Variants in TRAF5 observed in about 807,000 individuals in gnomAD.
TRAF5 encodes TNF receptor associated factor 5.
TRAF5 carries 48 observed loss-of-function variants against 64.5 expected under a neutral mutation model. The ratio of observed to expected loss-of-function variants is 0.74; its 90% CI spans 0.59 to 0.95. The LOEUF is 0.95. TRAF5 is among the 40% of genes least tolerant of loss of function. The pLI, the probability that TRAF5 is intolerant of heterozygous loss-of-function variation, is 0.00. For synonymous variants in TRAF5, 206 were observed against 240.5 expected (o/e 0.86, Z 1.33); for missense variants, 545 against 662.8 (o/e 0.82, Z 1.95).
Position 211,365,442 on chromosome 1 carries a change from GA to G in TRAF5, c.767del (p.Lys256ArgfsTer5). The G allele has an allele frequency of 6.2e-7, 1 of 1,613,608 alleles. No homozygotes were observed. Among genetic ancestry groups the G allele is most frequent in the Admixed American group, 1.7e-5 (1 of 59,972 alleles). ...ACGGGAGCACATGCGTTTGGTTTTA[GA>G]AAAGAATGTCCAATTAGAAGAACAG... ...ALREHMRLVL[E>X]KNVQLEEQIS... On this transcript the variant is annotated frameshift_variant, in exon 8 of 11. Transcript: ENST00000261464. LOFTEE classifies it high-confidence loss of function.
intron 1 of TRAF5, among the ~76,000 whole-genome samples, chr1:211,350,310 G>A (rs983843453): frequency 3.5e-5 from 1 of 28,480 alleles, no homozygotes; most frequent in Non-Finnish European, 1.2e-4. Context: ...CACCTCCCAG[G>A]CTCAAGTGAT....
At position 211,360,955 on chromosome 1, in the gene TRAF5, A is replaced by T; in HGVS notation, c.622-133A>T. 3 of 1,030,660 alleles carry T rather than the reference A, an allele frequency of 2.9e-6. No homozygotes were observed. The Admixed American group carries it at 6.3e-5, about 22-fold the overall frequency. 63.8% of individuals were successfully genotyped at this position (1,030,660 alleles called of 1,614,324 possible). On this transcript the variant is annotated intron_variant, in intron 6 of 10. Transcript: ENST00000261464. ...CTGCGAACTCTCTTCAACTTTCATC[A>T]TAGCTCTTTCTTGCCAGGCCTCTCT...
At chr1:211,355,074 G>A (rs1325889892) in intron 3 of TRAF5, among the ~76,000 whole-genome samples, 1 of 151,882 alleles carries the variant, frequency 6.6e-6, no homozygotes, top group Non-Finnish European at 1.5e-5. Flanking sequence ...TTGGGAGGCC[G>A]AGGCACAAGA....
At position 211,360,079 on chromosome 1, in the gene TRAF5, G is replaced by A. The variant is rs1703126955; in HGVS notation, c.543+3G>A. The A allele has an allele frequency of 6.2e-7, 1 of 1,613,598 alleles. No homozygotes were observed. The highest frequency in any genetic ancestry group is 1.3e-5 in the African/African-American group (1 of 74,930). On this transcript the variant is annotated splice_donor_region_variant and intron_variant, in intron 5 of 10. Coordinates refer to ENST00000261464, the MANE Select transcript of TRAF5 (RefSeq NM_001033910.3). ...ATGTGGTAGTCATCAATCTACAGGTGAAAAACAACACATACAACAGTCATC... is the reference window on the plus strand; with the variant it reads ...ATGTGGTAGTCATCAATCTACAGGTAAAAAACAACACATACAACAGTCATC...
At chr1:211,353,995 C>T (rs1702879076) in intron 2 of TRAF5, among the ~76,000 whole-genome samples, 1 of 152,240 alleles carries the variant, frequency 6.6e-6, no homozygotes, top group African/African-American at 2.4e-5. Context: ...GGGGTTATTA[C>T]AGCACATCCT....
At chr1:211,347,799 A>G (rs1702657599) in intron 1 of TRAF5, among the ~76,000 whole-genome samples, 2 of 152,240 alleles carry the variant, frequency 1.3e-5, no homozygotes, top group African/African-American at 4.8e-5. Context: ...AGCTCTTACT[A>G]GGAAGTCACT....
rs1703624038 is a variant in TRAF5, at chr1:211,374,245, GT to G, written c.*1545del. 1 of 152,716 alleles carries G rather than the reference GT, an allele frequency of 6.5e-6. No homozygotes were observed. Among genetic ancestry groups the G allele is most frequent in the South Asian group, 2.1e-4 (1 of 4,828 alleles). The allele number at this position is 152,716 out of a possible 1,614,324, so 9.5% of individuals were successfully genotyped here. A position where few individuals can be genotyped will look rare whatever the true frequency, so the allele number is the denominator to read the frequency against. Reference sequence around the variant, plus strand: ...AGTTTAACAACAACAAAAATGCCAAGTTGTCCTGAGCCCTTCTGCGTTGTTA... The same window carrying G: ...AGTTTAACAACAACAAAAATGCCAAGTGTCCTGAGCCCTTCTGCGTTGTTA... On this transcript the variant is annotated 3_prime_UTR_variant, in exon 11 of 11. Coordinates refer to ENST00000261464, the MANE Select transcript of TRAF5 (RefSeq NM_001033910.3).
intron 10 of TRAF5, among the ~76,000 whole-genome samples, chr1:211,371,679 A>C (rs748755732): frequency 6.6e-6 from 1 of 152,220 alleles, no homozygotes; most frequent in Non-Finnish European, 1.5e-5. Context: ...TGGGCTAGGA[A>C]ATTCCAAGAC....
intron 1 of TRAF5, among the ~76,000 whole-genome samples, chr1:211,338,068 C>T (rs1158613449): frequency 6.6e-6 from 1 of 152,138 alleles, no homozygotes; most frequent in Non-Finnish European, 1.5e-5. Flanking sequence ...CCCGAAGCTC[C>T]AAGAGATAAG....
At chr1:211,340,629 G>A (rs970991378) in intron 1 of TRAF5, among the ~76,000 whole-genome samples, 4 of 152,204 alleles carry the variant, frequency 2.6e-5, no homozygotes, top group Non-Finnish European at 2.9e-5. Context: ...ATGTCTTCGG[G>A]AATATGTCTA....
At chr1:211,371,777 T>C (rs888268578) in intron 10 of TRAF5, among the ~76,000 whole-genome samples, 1 of 152,182 alleles carries the variant, frequency 6.6e-6, no homozygotes, top group Non-Finnish European at 1.5e-5. Flanking sequence ...AGAGATGTGA[T>C]GGGATCATTG....
At chr1:211,361,239 C>G (rs1280240991) in intron 7 of TRAF5, 77 bp downstream of exon 7, 1 of 1,312,822 alleles carries the variant, frequency 7.6e-7, no homozygotes, top group East Asian at 2.3e-5. Flanking sequence ...ACTCTCTGTT[C>G]CATCGAGGAT....
chr1:211,352,543 T>C (rs1313507110), intron 1 of TRAF5, among the ~76,000 whole-genome samples: 4 of 151,232 alleles, frequency 2.6e-5, no homozygotes, highest in Admixed American at 1.3e-4. Flanking sequence ...GAGGGATCAG[T>C]TGAGCCCAGG....
In TRAF5 at chr1:211,352,097, C is replaced by T. The variant is rs191667185; in HGVS notation, c.-1-1142C>T. Among the ~76,000 whole-genome samples, 31 of 152,084 alleles carry T rather than the reference C, an allele frequency of 2.0e-4. No individual in the cohort carries two copies. In the East Asian group the frequency reaches 4.3e-3, roughly 21 times the overall value. The stretch of plus-strand genomic sequence containing the variant: ...TAGTGAGACCCTGTCTGTGGTAGTC[C>T]GTTTTCATGCTGCTGATAAAGACAT... On this transcript the variant is annotated intron_variant, in intron 1 of 10. Coordinates refer to ENST00000261464, the MANE Select transcript of TRAF5 (RefSeq NM_001033910.3).
intron 7 of TRAF5, among the ~76,000 whole-genome samples, chr1:211,362,637 G>A (rs1279863426): frequency 2.6e-5 from 4 of 152,000 alleles, no homozygotes; most frequent in Admixed American, 2.0e-4. Context: ...CCAAGGTCGC[G>A]CCACTGCACT....
At chr1:211,370,875 G>T (rs1470918606) in intron 9 of TRAF5, among the ~76,000 whole-genome samples, 1 of 152,198 alleles carries the variant, frequency 6.6e-6, no homozygotes, top group African/African-American at 2.4e-5. Context: ...CACCTGTAGA[G>T]CTCAGGCCAG....
At chr1:211,336,124 T>C (rs552514381) in intron 1 of TRAF5, among the ~76,000 whole-genome samples, 3 of 152,258 alleles carry the variant, frequency 2.0e-5, no homozygotes, top group East Asian at 3.9e-4. Context: ...TATGTTATTG[T>C]GTTGGCATGA....
intron 1 of TRAF5, among the ~76,000 whole-genome samples, chr1:211,350,387 GAAGAACAAAAAC>G (rs1702750786): frequency 1.3e-5 from 1 of 78,592 alleles, no homozygotes; most frequent in Non-Finnish European, 3.2e-5. Flanking sequence ...TGGTGTATTA[GAAGAACAAAAAC>G]AAAAACAAAA....
At chr1:211,346,577 AT>A (rs1358276913) in intron 1 of TRAF5, among the ~76,000 whole-genome samples, 1 of 152,218 alleles carries the variant, frequency 6.6e-6, no homozygotes, top group Non-Finnish European at 1.5e-5. Context: ...AACATAATAT[AT>A]TTAAAAATTC....
Sources: allele counts gnomAD v4.1 joint callset (sites outside exome capture counted in the v4.1 genomes callset), GRCh38; gene constraint gnomAD v4.1.1; transcripts MANE v1.5; gene names NCBI Gene and HGNC (gene_info 2026-07-23, HGNC 2026-07-21).